The following SOX5 variants were observed in gnomAD, a reference collection of about 807,000 sequenced individuals.
SOX5 encodes SRY-box transcription factor 5.
SOX5 carries 9 observed loss-of-function variants against 92.0 expected under a neutral mutation model. That is an observed-to-expected ratio of 0.10 (90% confidence interval 0.06 to 0.17). The LOEUF (loss-of-function observed/expected upper bound fraction) is 0.17. Among genes scored for constraint, SOX5 ranks in the 10% least tolerant of loss-of-function variants. The pLI is 1.00. For missense variants in SOX5, 642 were observed against 944.5 expected (o/e 0.68, Z 4.20); for synonymous variants, 344 against 336.3 (o/e 1.02, Z -0.25).
At chr12:23,629,549 A>G (rs1333475974) in intron 8 of SOX5, among the ~76,000 whole-genome samples, 1 of 152,060 alleles carries the variant, frequency 6.6e-6, no homozygotes, top group African/African-American at 2.4e-5. Context: ...TAACTCAAAC[A>G]ATTTTAACCA....
At chr12:24,394,226 C>T (rs540865002) in intron 1 of SOX5, among the ~76,000 whole-genome samples, 21 of 152,204 alleles carry the variant, frequency 1.4e-4, no homozygotes, top group Admixed American at 6.5e-4. Flanking sequence ...CATGAGAAGG[C>T]GATCTCATCC....
At chr12:24,015,353 A>T (rs1258188676) in intron 4 of SOX5, among the ~76,000 whole-genome samples, 1 of 152,142 alleles carries the variant, frequency 6.6e-6, no homozygotes, top group Non-Finnish European at 1.5e-5. Context: ...TGAAGACAAC[A>T]TGATGAGATA....
Position 23,853,207 on chromosome 12 carries a change from G to A in SOX5, c.271-7014C>T, listed in dbSNP as rs549688427. On this transcript the variant is annotated intron_variant, in intron 2 of 14. Coordinates refer to ENST00000451604, the MANE Select transcript of SOX5 (RefSeq NM_006940.6). ...GTCATTTTGGCATTTGTTGAAACAC[G>A]CTTATGTTTCCTGATGTCCTACTAA... 5.3e-5 allele frequency among the ~76,000 whole-genome samples: 8 copies of A among 150,410 alleles called. No homozygotes were observed. In the South Asian group the frequency reaches 1.5e-3, roughly 28 times the overall value.
intron 4 of SOX5, among the ~76,000 whole-genome samples, chr12:23,754,355 TG>T (rs1366907324): frequency 6.6e-6 from 1 of 151,806 alleles, no homozygotes; most frequent in Non-Finnish European, 1.5e-5. Context: ...CAGGGGTAAA[TG>T]GGTTAAAATC....
intron 1 of SOX5, among the ~76,000 whole-genome samples, chr12:24,443,527 G>T (rs577162321): frequency 6.6e-6 from 1 of 152,078 alleles, no homozygotes; most frequent in Non-Finnish European, 1.5e-5. Context: ...ACATAAACTA[G>T]GTTCCTACAA....
chr12:23,719,805 A>C (rs2092711163), intron 6 of SOX5, among the ~76,000 whole-genome samples: 1 of 148,926 alleles, frequency 6.7e-6, no homozygotes, highest in South Asian at 2.1e-4. Flanking sequence ...AAAAAAAAAA[A>C]AAAAAACTGA....
intron 4 of SOX5, among the ~76,000 whole-genome samples, chr12:24,170,099 G>A (rs1261412054): frequency 3.3e-5 from 5 of 152,046 alleles, no homozygotes; most frequent in African/African-American, 1.2e-4. Context: ...TGACCCCGCC[G>A]TTTTTCTCAG....
At chr12:23,710,987 C>T (rs7310648) in intron 6 of SOX5, among the ~76,000 whole-genome samples, 15,661 of 152,074 alleles carry the variant, frequency 0.1, 1,305 homozygotes, top group African/African-American at 0.22. Context: ...CTATATATGA[C>T]TTTAAAAACA....
chr12:23,998,181 T>C (rs890127199), intron 4 of SOX5, among the ~76,000 whole-genome samples: 20 of 151,992 alleles, frequency 1.3e-4, no homozygotes, highest in African/African-American at 4.6e-4. Flanking sequence ...AATTAAACCA[T>C]GTTTTAAGAA....
intron 6 of SOX5, among the ~76,000 whole-genome samples, chr12:23,666,452 T>A (rs1191908673): frequency 6.6e-6 from 1 of 152,202 alleles, no homozygotes; most frequent in Non-Finnish European, 1.5e-5. Context: ...ATGTGGCCAT[T>A]TCTGCAGCCT....
At chr12:23,558,634 C>A (rs183174382) in intron 11 of SOX5, among the ~76,000 whole-genome samples, 22 of 152,172 alleles carry the variant, frequency 1.4e-4, no homozygotes, top group African/African-American at 5.3e-4. Flanking sequence ...CGGAGTTCCG[C>A]TTTTGTCGCC....
rs939804787 is a variant in SOX5 at position 23,533,470 on chromosome 12, T to G, written c.*749A>C. On this transcript the variant is annotated 3_prime_UTR_variant, in exon 15 of 15. Coordinates refer to ENST00000451604, the MANE Select transcript of SOX5 (RefSeq NM_006940.6). ...AAAAGGAAAAAGTAAAGAGAAAAAA[T>G]GAACTTGGTCAACACTTCAGTACAA... 2.1e-5 allele frequency: 4 copies of G among 191,860 alleles called. No homozygotes were observed. The highest frequency in any genetic ancestry group is 9.4e-5 in the African/African-American group (4 of 42,576). The allele number at this position is 191,860 out of a possible 1,614,324, so 11.9% of individuals were successfully genotyped here. A position where few individuals can be genotyped will look rare whatever the true frequency, so the allele number is the denominator to read the frequency against.
intron 4 of SOX5, among the ~76,000 whole-genome samples, chr12:24,143,582 T>C (rs1045156464): frequency 6.6e-6 from 1 of 151,862 alleles, no homozygotes; most frequent in Non-Finnish European, 1.5e-5. Flanking sequence ...AACTCAGAAA[T>C]GCACTGGATG....
In SOX5 at chr12:24,263,094, C is replaced by T. The variant is rs540400500; in HGVS notation, c.-77+14122G>A. On this transcript the variant is annotated intron_variant, in intron 3 of 4. Transcript: ENST00000446891. ...GGAAAAAATTAGCCGGACATGATGGCGGGTGCCTGTAGCCCCAGCTACTCA... is the reference window on the plus strand; with the variant it reads ...GGAAAAAATTAGCCGGACATGATGGTGGGTGCCTGTAGCCCCAGCTACTCA... 8.9e-4 allele frequency among the ~76,000 whole-genome samples: 135 copies of T among 151,872 alleles called. 1 individual carries two copies. Among genetic ancestry groups the T allele is most frequent in the Non-Finnish European group, 1.7e-3 (114 of 67,980 alleles).
intron 4 of SOX5, among the ~76,000 whole-genome samples, chr12:23,976,398 CAAA>C (rs139277769): frequency 2.8e-5 from 3 of 106,792 alleles, no homozygotes; most frequent in Middle Eastern, 5.2e-3. Flanking sequence ...ATTAAAAAAA[CAAA>C]AAAACAAAAA....
intron 2 of SOX5, among the ~76,000 whole-genome samples, chr12:24,347,241 A>G (rs774224423): frequency 7.2e-5 from 11 of 152,318 alleles, no homozygotes; most frequent in Middle Eastern, 3.4e-3. Flanking sequence ...TGTATTTGCT[A>G]GTATATGTTA....
chr12:23,858,107 C>T (rs2096715183), intron 2 of SOX5, among the ~76,000 whole-genome samples: 1 of 151,552 alleles, frequency 6.6e-6, no homozygotes, highest in Non-Finnish European at 1.5e-5. Flanking sequence ...AAGGCAGGTA[C>T]ATATATGTGC....
rs1938544517 is a variant in SOX5 at position 23,529,613 on chromosome 12, G to A, written c.*4606C>T. On this transcript the variant is annotated 3_prime_UTR_variant, in exon 15 of 15. Transcript: ENST00000451604. ...AACAAAAAACAAAAACGAAAAACAGGTTGGTGGCAACCCACATCTTTTTTT... is the reference window on the plus strand; with the variant it reads ...AACAAAAAACAAAAACGAAAAACAGATTGGTGGCAACCCACATCTTTTTTT... 6.6e-6 allele frequency: 1 copy of A among 151,966 alleles called. No individual in the cohort carries two copies. Among genetic ancestry groups the A allele is most frequent in the Non-Finnish European group, 1.5e-5 (1 of 67,988 alleles). The allele number at this position is 151,966 out of a possible 1,614,324, so 9.4% of individuals were successfully genotyped here.
chr12:24,455,293 C>T (rs1942878751), intron 1 of SOX5, among the ~76,000 whole-genome samples: 8 of 152,160 alleles, frequency 5.3e-5, no homozygotes, highest in Admixed American at 5.2e-4. Context: ...GGAACAGAAC[C>T]TGAACAGAAT....
Sources: gnomAD v4.1 joint callset for allele counts (sites outside exome capture counted in the v4.1 genomes callset) on GRCh38, gnomAD v4.1.1 for gene constraint, MANE v1.5 for transcripts, NCBI Gene and HGNC (gene_info 2026-07-23, HGNC 2026-07-21) for gene names.